PPM1D: variants seen among roughly 807,000 people sequenced by gnomAD.
PPM1D encodes protein phosphatase 1D.
A neutral mutation model predicts 58.3 loss-of-function variants in PPM1D; 52 were observed. That is an observed-to-expected ratio of 0.89 (90% CI 0.71 to 1.12). PPM1D has a LOEUF of 1.12. Among genes scored for constraint, PPM1D ranks in the 50% most tolerant of loss-of-function variants. The probability of loss-of-function intolerance (pLI) is 0.00; values close to 1 mark genes in which losing one functional copy is unlikely to be tolerated. For synonymous variants in PPM1D, 278 were observed against 285.1 expected, an observed-to-expected ratio of 0.98 and a Z score of 0.25; for missense variants, 564 against 777.2, an observed-to-expected ratio of 0.73 and a Z score of 3.26.
intron 3 of PPM1D, among the ~76,000 whole-genome samples, chr17:60,646,721 ATTGTCTC>A (rs1319321649): frequency 6.6e-6 from 1 of 152,072 alleles, no homozygotes; most frequent in Non-Finnish European, 1.5e-5. Context: ...ACTAAAAGTT[ATTGTCTC>A]TTGAACATTT....
At position 60,656,670 on chromosome 17, in the gene PPM1D, C is replaced by G. The variant is rs1963923009; in HGVS notation, c.1089C>G (p.Leu363=). 6.2e-7 allele frequency: 1 copy of G among 1,614,050 alleles called. No individual in the cohort carries two copies. The highest frequency in any genetic ancestry group is 1.3e-5 in the African/African-American group (1 of 74,918). The part of the protein sequence containing the change: ...RALGRWRQRM[L]RADNTSAIVI... ...TGGGCCGCTGGAGGCAGCGTATGCT[C>G]CGAGCAGATAACACTAGTGCCATAG... Residue 363 remains leucine (L), a synonymous_variant, in exon 5 of 6, where the codon CTC becomes CTG. Transcript: ENST00000305921.
chr17:60,634,780 T>C (rs1473919089), intron 3 of PPM1D, among the ~76,000 whole-genome samples: 4 of 152,006 alleles, frequency 2.6e-5, no homozygotes, highest in Non-Finnish European at 5.9e-5. Flanking sequence ...AAACGCACAT[T>C]TGTTTATTTT....
Position 60,656,576 on chromosome 17 carries a change from TCTC to T in PPM1D, c.1018-20_1018-18del. On this transcript the variant is annotated intron_variant, in intron 4 of 5. Coordinates refer to ENST00000305921, the MANE Select transcript of PPM1D (RefSeq NM_003620.4). ...GCAGCTAAATCTGAGTTACTTTCCTTCTCCTTGTTCTTTTGAATACAGGGTGAG... is the reference window on the plus strand; with the variant it reads ...GCAGCTAAATCTGAGTTACTTTCCTTCTTGTTCTTTTGAATACAGGGTGAG... 1 of 1,606,846 alleles carries T rather than the reference TCTC, an allele frequency of 6.2e-7. No homozygotes were observed. The highest frequency in any genetic ancestry group is 8.5e-7 in the Non-Finnish European group (1 of 1,174,548).
At chr17:60,637,396 G>A (rs575824516) in intron 3 of PPM1D, among the ~76,000 whole-genome samples, 4 of 152,084 alleles carry the variant, frequency 2.6e-5, no homozygotes, top group Non-Finnish European at 5.9e-5. Context: ...ATGAGCCACT[G>A]TGCCCCGCTC....
At chr17:60,618,772 T>C (rs1215421917) in intron 1 of PPM1D, among the ~76,000 whole-genome samples, 1 of 152,236 alleles carries the variant, frequency 6.6e-6, no homozygotes, top group Non-Finnish European at 1.5e-5. Context: ...GAATAGATTT[T>C]TTTAGTTGCT....
At chr17:60,615,675 CTTT>C (rs746657008) in intron 1 of PPM1D, among the ~76,000 whole-genome samples, 3 of 124,816 alleles carry the variant, frequency 2.4e-5, no homozygotes, top group African/African-American at 2.9e-5. Context: ...TTTCTTTTTA[CTTT>C]TTTTTTTTTT....
chr17:60,663,065 CCTT>C lies in PPM1D; in HGVS notation c.1334_1336del (p.Phe445del), dbSNP rs750818422. Reference sequence around the variant, plus strand: ...ATACCTGCCCTGGTTCGTAGCAATGCCTTCTCAGAGAATTTTTTAGAGGTTTCA... The same window carrying C: ...ATACCTGCCCTGGTTCGTAGCAATGCCTCAGAGAATTTTTTAGAGGTTTCA... On this transcript the variant is annotated inframe_deletion, in exon 6 of 6. Transcript: ENST00000305921. The C allele has an allele frequency of 6.2e-6, 10 of 1,614,072 alleles. No homozygotes were observed. The highest frequency in any genetic ancestry group is 5.9e-6 in the Non-Finnish European group (7 of 1,179,954).
intron 2 of PPM1D, among the ~76,000 whole-genome samples, chr17:60,626,140 T>C (rs763200836): frequency 6.6e-6 from 1 of 152,202 alleles, no homozygotes; most frequent in Non-Finnish European, 1.5e-5. Context: ...TGCTGTGAAA[T>C]GAAAAATCTG....
intron 2 of PPM1D, among the ~76,000 whole-genome samples, chr17:60,624,351 T>C (rs1178852128): frequency 6.6e-6 from 1 of 152,180 alleles, no homozygotes; most frequent in East Asian, 1.9e-4. Flanking sequence ...AAATTGAGGA[T>C]ATGAGGCAAG....
At chr17:60,611,005 A>G (rs189107045) in intron 1 of PPM1D, among the ~76,000 whole-genome samples, 121 of 152,310 alleles carry the variant, frequency 7.9e-4, no homozygotes, top group African/African-American at 2.5e-3. Flanking sequence ...CTGATTCCTC[A>G]TAAGATTGAG....
intron 2 of PPM1D, among the ~76,000 whole-genome samples, chr17:60,628,803 A>G (rs551033627): frequency 1.3e-5 from 2 of 151,866 alleles, no homozygotes; most frequent in African/African-American, 4.8e-5. Context: ...GACCTTGGAG[A>G]CACCCTGAAA....
intron 3 of PPM1D, among the ~76,000 whole-genome samples, chr17:60,635,401 G>C (rs568823405): frequency 6.6e-6 from 1 of 152,206 alleles, no homozygotes; most frequent in African/African-American, 2.4e-5. Flanking sequence ...TTTTAGTAGA[G>C]ACGGGGTTTC....
chr17:60,609,042 C>A (rs1019060152), intron 1 of PPM1D, among the ~76,000 whole-genome samples: 1 of 151,596 alleles, frequency 6.6e-6, no homozygotes, highest in African/African-American at 2.4e-5. Flanking sequence ...CCACCGCGCC[C>A]GGCCTTTATT....
chr17:60,604,051 C>G (rs1344507854), intron 1 of PPM1D, among the ~76,000 whole-genome samples: 1 of 152,182 alleles, frequency 6.6e-6, no homozygotes, highest in African/African-American at 2.4e-5. Context: ...ATCCATTGGT[C>G]TATTTTGTAC....
intron 5 of PPM1D, among the ~76,000 whole-genome samples, chr17:60,660,556 T>A (rs1276351059): frequency 6.6e-6 from 1 of 152,008 alleles, no homozygotes; most frequent in Non-Finnish European, 1.5e-5. Flanking sequence ...AGGTCAGGAA[T>A]TTGAGACCAG....
chr17:60,639,444 CT>C (rs773448030), intron 3 of PPM1D, among the ~76,000 whole-genome samples: 51 of 142,468 alleles, frequency 3.6e-4, no homozygotes, highest in Admixed American at 3.5e-4. Context: ...TCTTCTTCTT[CT>C]TTTTTTTTTT....
intron 1 of PPM1D, among the ~76,000 whole-genome samples, chr17:60,607,524 C>T (rs1173054502): frequency 2.0e-5 from 3 of 152,212 alleles, no homozygotes; most frequent in Non-Finnish European, 4.4e-5. Flanking sequence ...TGGTCTTGAA[C>T]TCCCGACCTC....
At chr17:60,648,545 C>T (rs1029594361) in intron 4 of PPM1D, among the ~76,000 whole-genome samples, 11 of 151,892 alleles carry the variant, frequency 7.2e-5, no homozygotes, top group East Asian at 1.9e-4. Context: ...CCATCACACG[C>T]GGCTAATTTT....
chr17:60,616,663 T>C (rs2030591714), intron 1 of PPM1D, among the ~76,000 whole-genome samples: 1 of 152,104 alleles, frequency 6.6e-6, no homozygotes, highest in Non-Finnish European at 1.5e-5. Context: ...AAAAGTACTA[T>C]AAATAGATTA....
Sources: gnomAD v4.1 joint callset for allele counts (sites outside exome capture counted in the v4.1 genomes callset) on GRCh38, gnomAD v4.1.1 for gene constraint, MANE v1.5 for transcripts, NCBI Gene and HGNC (gene_info 2026-07-23, HGNC 2026-07-21) for gene names.